The following SLC49A3 variants were observed in gnomAD, a reference collection of about 807,000 sequenced individuals.
The protein encoded by SLC49A3 is solute carrier family 49 member 3, also known as solute carrier family 49 member A3.
Under a neutral mutation model 43.8 loss-of-function variants are expected in SLC49A3, and 50 were observed. The observed-to-expected ratio is 1.14, with a 90% confidence interval of 0.91 to 1.45. The LOEUF is 1.45. Ranked by LOEUF, SLC49A3 falls within the 40% of genes most tolerant of loss-of-function variation. The probability of loss-of-function intolerance (pLI) is 0.00; values close to 1 mark genes in which losing one functional copy is unlikely to be tolerated. For missense variants in SLC49A3, 906 were observed against 774.1 expected (o/e 1.17, Z -2.02); for synonymous variants, 413 against 352.0 (o/e 1.17, Z -1.94).
In SLC49A3 at chr4:683,308, C is replaced by G. The variant is rs755851474; in HGVS notation, c.1053G>C (p.Leu351=). Residue 351 remains leucine, a synonymous_variant, in exon 8 of 10, where the codon CTG becomes CTC. Coordinates refer to ENST00000322224, the MANE Select transcript of SLC49A3 (RefSeq NM_032219.4). ...ALAATCSLLG[L]FGFSVGPVAM... The stretch of plus-strand genomic sequence containing the variant: ...CCACGGGGCCCACCGAGAAGCCAAA[C>G]AGCCCGAGCAGCGAGCAGGTGGCAG... The G allele has an allele frequency of 5.0e-6, 8 of 1,612,640 alleles. No homozygotes were observed. The East Asian group carries it at 1.8e-4, about 36-fold the overall frequency.
At chr4:678,435 C>T, downstream of SLC49A3, 1 of 1,425,332 alleles carries the variant, frequency 7.0e-7, no homozygotes, top group Admixed American at 2.9e-5. Flanking sequence ...AAGCCACTGT[C>T]CCTCCCCCAG....
chr4:681,024 C>G (rs907078308), downstream of SLC49A3: 64 of 1,531,010 alleles, frequency 4.2e-5, no homozygotes, highest in Middle Eastern at 3.4e-4. Flanking sequence ...CCTGGAGCAC[C>G]TGAGCCCCAC....
rs375878722 is a variant in SLC49A3, at chr4:686,295, A to G, written c.302T>C (p.Leu101Pro). The change falls in exon 3 of 10, where the codon CTG (leucine) becomes CCG (proline). Residue 101 changes from leucine (L) to proline (P), a missense_variant. Physicochemically the swap from Leu to Pro is moderately conservative, Grantham distance 98 (BLOSUM62 -3). Transcript: ENST00000322224. Reference sequence around the variant, plus strand: ...CCCGGCAAAGTTCAGCCACGCACCCAGGATGGTCTGCGAGGAGGGGGTCGG... The same window carrying G: ...CCCGGCAAAGTTCAGCCACGCACCCGGGATGGTCTGCGAGGAGGGGGTCGG... ...DSVGLRAATI[L>P]GAWLNFAGSV... 95 of 1,613,094 alleles carry G rather than the reference A, an allele frequency of 5.9e-5. No homozygotes were observed. The highest frequency in any genetic ancestry group is 7.9e-5 in the Non-Finnish European group (93 of 1,180,012).
rs762254331 is a variant in SLC49A3 at position 682,089 on chromosome 4, G to A, written c.1549C>T (p.Arg517Cys). Reference sequence around the variant, plus strand: ...TCGGTGGCTGCTGGGCCTTGCGCACGGGGAGTCGCTCGGTGGCAGGCTGGG... The same window carrying A: ...TCGGTGGCTGCTGGGCCTTGCGCACAGGGAGTCGCTCGGTGGCAGGCTGGG... ...PHPACHRATPRAQGPAATDAP... is the reference protein window; with the variant it reads ...PHPACHRATPCAQGPAATDAP... The change falls in exon 10 of 10, where the codon CGT becomes TGT. Residue 517 changes from arginine to cysteine, a missense_variant. Transcript: ENST00000322224. 1.6e-5 allele frequency: 22 copies of A among 1,394,464 alleles called. No homozygotes were observed. The highest frequency in any genetic ancestry group is 3.3e-5 in the South Asian group (2 of 60,308). The allele number at this position is 1,394,464 out of a possible 1,614,324, so 86.4% of individuals were successfully genotyped here.
intron 9 of SLC49A3, 28 bp from the exon 10 acceptor site, chr4:682,404 A>C: frequency 1.5e-6 from 2 of 1,323,302 alleles, no homozygotes; most frequent in Non-Finnish European, 1.9e-6. Flanking sequence ...AGCTGTCCCC[A>C]CAGCCAAGCC....
At position 682,173 on chromosome 4, in the gene SLC49A3, G is replaced by C; in HGVS notation, c.1465C>G (p.Pro489Ala). The change falls in exon 10 of 10, where the codon CCG (proline) becomes GCG (alanine). Residue 489 changes from proline (P) to alanine (A), a missense_variant. Pro to Ala is a conservative substitution (Grantham distance 27). Transcript: ENST00000322224. ...AGVLGPSTAT[P>A]ECTARGASLE... ...GAGGCCCCCCTCGCCGTGCACTCCG[G>C]AGTCGCCGTGCTGGGCCCCAGGACC... is the stretch of plus-strand genomic sequence containing the variant. 1 of 1,353,836 alleles carries C rather than the reference G, an allele frequency of 7.4e-7. No individual in the cohort carries two copies. The highest frequency in any genetic ancestry group is 9.6e-7 in the Non-Finnish European group (1 of 1,041,474). The allele number at this position is 1,353,836 out of a possible 1,614,324, so 83.9% of individuals were successfully genotyped here.
At chr4:678,275 G>A (rs556679942), downstream of SLC49A3, 239 of 1,455,612 alleles carry the variant, frequency 1.6e-4, no homozygotes, top group Non-Finnish European at 2.0e-4. Context: ...GTGAGAGTCC[G>A]GAGCAGGATG....
At chr4:681,639 C>A (rs1368786558), downstream of SLC49A3, among the ~76,000 whole-genome samples, 22 of 69,110 alleles carry the variant, frequency 3.2e-4, no homozygotes, top group Non-Finnish European at 3.8e-4. Context: ...CCTCCAGCGC[C>A]GCCCCGCCCC....
Position 689,026 on chromosome 4 carries a change from G to A in SLC49A3, c.102C>T (p.Leu34=), listed in dbSNP as rs1463721028. 5.6e-6 allele frequency: 9 copies of A among 1,594,380 alleles called. No homozygotes were observed. Among genetic ancestry groups the A allele is most frequent in the South Asian group, 3.3e-5 (3 of 90,378 alleles). ...TGGAGCAGTTGAGCAGGCTGATCGC[G>A]AGCAGGAACACCCAGCGGCGCGCGT... ...RTYARRWVFL[L]AISLLNCSNA... is the part of the protein sequence containing the mutation. The change falls in exon 1 of 10, where the codon CTC becomes CTT. Residue 34 remains leucine, a synonymous_variant. Coordinates refer to ENST00000322224, the MANE Select transcript of SLC49A3 (RefSeq NM_032219.4).
At chr4:679,932 A>G, downstream of SLC49A3, 1 of 1,613,720 alleles carries the variant, frequency 6.2e-7, no homozygotes, top group Middle Eastern at 1.7e-4. Context: ...AACGTCAAGG[A>G]CGACGAGCTG....
In SLC49A3 at chr4:681,919, C is replaced by T. The variant is rs1428504306; in HGVS notation, c.*39G>A. 5 of 1,321,028 alleles carry T rather than the reference C, an allele frequency of 3.8e-6. No individual in the cohort carries two copies. In the African/African-American group the frequency reaches 7.5e-5, roughly 20 times the overall value. 81.8% of individuals were successfully genotyped at this position (1,321,028 alleles called of 1,614,324 possible). On this transcript the variant is annotated 3_prime_UTR_variant, in exon 10 of 10. Transcript: ENST00000322224. ...TGGACCAGATGTTCCAGTTCGCCTCCATCGATGTGGCGGGCAACCTGGACT... is the reference window on the plus strand; with the variant it reads ...TGGACCAGATGTTCCAGTTCGCCTCTATCGATGTGGCGGGCAACCTGGACT...
downstream of SLC49A3, chr4:678,904 C>T (rs186928809): frequency 2.0e-3 from 3,287 of 1,608,132 alleles, 6 homozygotes; most frequent in Non-Finnish European, 2.7e-3. Flanking sequence ...GAGCAGGGGG[C>T]GGGGCAGAGC....
chr4:683,784 A>G (rs1303420585), intron 6 of SLC49A3, 23 bp from the exon 7 acceptor site: 1 of 1,545,480 alleles, frequency 6.5e-7, no homozygotes. Context: ...AGAAGAGGCC[A>G]GGGCCCCAAG....
downstream of SLC49A3, chr4:680,584 A>G (rs75817957): frequency 7.7e-4 from 1,235 of 1,612,710 alleles, 2 homozygotes; most frequent in Non-Finnish European, 9.7e-4. Context: ...ATCAACAAGG[A>G]GTAGTGAGTG....
chr4:685,996 C>T lies in SLC49A3; in HGVS notation c.509-85G>A. ...ACAGGCAGAACCTTCCGGGCCCCAGCTCCTCCACCCTGGCCAGAGAGCCTG... is the reference window on the plus strand; with the variant it reads ...ACAGGCAGAACCTTCCGGGCCCCAGTTCCTCCACCCTGGCCAGAGAGCCTG... On this transcript the variant is annotated intron_variant, in intron 3 of 9. Transcript: ENST00000322224. This position sits in a 1 kb window ranked among gnomAD's most constrained non-coding sequence, Gnocchi z 4.3. 1 of 1,607,406 alleles carries T rather than the reference C, an allele frequency of 6.2e-7. No homozygotes were observed. Among genetic ancestry groups the T allele is most frequent in the East Asian group, 2.2e-5 (1 of 44,800 alleles).
upstream of SLC49A3, among the ~76,000 whole-genome samples, chr4:689,713 G>A (rs1330113913): frequency 6.6e-6 from 1 of 152,248 alleles, no homozygotes; most frequent in African/African-American, 2.4e-5. Context: ...CCCACCCTGG[G>A]GTAGGCAGTC....
downstream of SLC49A3, among the ~76,000 whole-genome samples, chr4:680,313 C>A (rs375434020): frequency 6.6e-6 from 1 of 152,168 alleles, no homozygotes. Context: ...ACTCACTACA[C>A]CCCAGGGCAG....
rs960890770 is a variant in SLC49A3, at chr4:685,364, GCA to G, written c.585+469_585+470del. 7.9e-5 allele frequency among the ~76,000 whole-genome samples: 12 copies of G among 151,876 alleles called. No homozygotes were observed. Among genetic ancestry groups the G allele is most frequent in the African/African-American group, 2.9e-4 (12 of 41,336 alleles). On this transcript the variant is annotated intron_variant, in intron 4 of 9. Transcript: ENST00000322224. This position sits in a 1 kb window ranked among gnomAD's most constrained non-coding sequence, Gnocchi z 4.3. ...GGGCACAGGAACAGAGACACGCACCGCACACACCACACACACTCAATACACAC... is the reference window on the plus strand; with the variant it reads ...GGGCACAGGAACAGAGACACGCACCGCACACCACACACACTCAATACACAC...
intron 6 of SLC49A3, 22 bp from the exon 7 acceptor site, chr4:683,783 C>T (rs933054319): frequency 9.1e-6 from 14 of 1,546,456 alleles, no homozygotes; most frequent in Non-Finnish European, 1.2e-5. Flanking sequence ...GAGAAGAGGC[C>T]AGGGCCCCAA....
Sources: allele counts gnomAD v4.1 joint callset (sites outside exome capture counted in the v4.1 genomes callset), GRCh38; gene constraint gnomAD v4.1.1; non-coding constraint Gnocchi (gnomAD v3.1); transcripts MANE v1.5; gene names NCBI Gene and HGNC (gene_info 2026-07-23, HGNC 2026-07-21).